The following ACP7 variants were observed in gnomAD, a reference collection of about 807,000 sequenced individuals.
ACP7 encodes acid phosphatase 7, tartrate resistant (putative).
ACP7 carries 58 observed loss-of-function variants against 60.6 expected under a neutral mutation model. That is an observed-to-expected ratio of 0.96 (90% confidence interval 0.77 to 1.19). The LOEUF (loss-of-function observed/expected upper bound fraction) is 1.19. Among genes scored for constraint, ACP7 ranks in the 50% most tolerant of loss-of-function variants. ACP7 has a pLI of 0.00. For missense variants in ACP7, 574 were observed against 596.2 expected (o/e 0.96, Z 0.39); for synonymous variants, 237 against 232.6 (o/e 1.02, Z -0.17).
At chr19:39,088,524 C>T (rs2073169088) in intron 2 of ACP7, among the ~76,000 whole-genome samples, 1 of 152,166 alleles carries the variant, frequency 6.6e-6, no homozygotes, top group African/African-American at 2.4e-5. Context: ...TTTCAGCCTA[C>T]ACAGTAACAA....
chr19:39,088,166 C>T (rs538113477), intron 2 of ACP7, among the ~76,000 whole-genome samples: 3 of 152,090 alleles, frequency 2.0e-5, no homozygotes, highest in East Asian at 3.9e-4. Flanking sequence ...GGACTACAGA[C>T]GTGCACTACC....
At chr19:39,105,216 C>T (rs1287064143) in intron 11 of ACP7, among the ~76,000 whole-genome samples, 2 of 151,568 alleles carry the variant, frequency 1.3e-5, no homozygotes, top group African/African-American at 2.4e-5. Flanking sequence ...GGGGTTTCAC[C>T]GTGTTGGCCA....
chr19:39,101,040 C>A lies in ACP7; in HGVS notation c.899C>A (p.Thr300Lys), dbSNP rs777460963. 6.2e-7 allele frequency: 1 copy of A among 1,613,908 alleles called. No homozygotes were observed. The highest frequency in any genetic ancestry group is 1.3e-5 in the African/African-American group (1 of 74,928). ...TCCAACGCAGATCTGGACGACTGCA[C>A]ACGACATGAAAGCAAGGTGAGGTCC... The part of the protein sequence containing the change: ...YCSNADLDDC[T>K]RHESKVRKGL... Residue 300 changes from threonine (T) to lysine (K), a missense_variant, in exon 8 of 13, where the codon ACA becomes AAA. Thr to Lys is a moderately conservative substitution (Grantham distance 78). Transcript: ENST00000331256.
intron 2 of ACP7, among the ~76,000 whole-genome samples, chr19:39,086,179 T>G (rs1392096423): frequency 6.6e-6 from 1 of 152,064 alleles, no homozygotes; most frequent in East Asian, 1.9e-4. Flanking sequence ...AGAAAAAATC[T>G]TAGACAGGTG....
At chr19:39,108,059 A>G (rs1251189681) in intron 12 of ACP7, among the ~76,000 whole-genome samples, 1 of 152,092 alleles carries the variant, frequency 6.6e-6, no homozygotes, top group Non-Finnish European at 1.5e-5. Context: ...TCAAAACAAA[A>G]AAACGAACAA....
chr19:39,093,172 C>CTTTCTTTCTTTCTTTCTTTCCTTCCT, intron 2 of ACP7, among the ~76,000 whole-genome samples: 1 of 80,868 alleles, frequency 1.2e-5, no homozygotes, highest in Non-Finnish European at 2.5e-5. Context: ...CTTTCTTTCT[C>CTTTCTTTCTTTCTTTCTTTCCTTCCT]TCCTTCCTTC....
At chr19:39,103,441 GTTTTTTTTTTTTTTTT>G (rs58293250) in intron 11 of ACP7, among the ~76,000 whole-genome samples, 1 of 64,690 alleles carries the variant, frequency 1.5e-5, no homozygotes, top group African/African-American at 6.7e-5. Flanking sequence ...ATCATCATGT[GTTTTTTTTTTTTTTTT>G]TTTTTTTTTG....
intron 11 of ACP7, among the ~76,000 whole-genome samples, chr19:39,104,289 T>C (rs780564836): frequency 7.9e-5 from 12 of 151,928 alleles, no homozygotes; most frequent in Middle Eastern, 3.2e-3. Flanking sequence ...GATAGAGACA[T>C]GTTACTGTAT....
chr19:39,086,845 T>A (rs1380744551), intron 2 of ACP7, among the ~76,000 whole-genome samples: 2 of 152,132 alleles, frequency 1.3e-5, no homozygotes, highest in Non-Finnish European at 2.9e-5. Flanking sequence ...AAATAAGGTA[T>A]TAAAACTGAG....
chr19:39,104,712 C>T lies in ACP7; in HGVS notation c.1114-2235C>T, dbSNP rs534010874. Among the ~76,000 whole-genome samples the T allele has an allele frequency of 9.9e-5, 15 of 152,128 alleles. No individual in the cohort carries two copies. In the South Asian group the frequency reaches 2.1e-3, roughly 21 times the overall value. On this transcript the variant is annotated intron_variant, in intron 11 of 12. Transcript: ENST00000331256. ...CAGCCTGCCCAACATGGCAAAACCC[C>T]GTCTCTACTTAAAACACAAAAAATT...
chr19:39,104,102 A>G (rs1044916587), intron 11 of ACP7, among the ~76,000 whole-genome samples: 5 of 151,046 alleles, frequency 3.3e-5, no homozygotes, highest in Non-Finnish European at 7.4e-5. Context: ...TATTATCATT[A>G]TATATATGTA....
At chr19:39,090,813 A>G (rs796655260) in intron 2 of ACP7, among the ~76,000 whole-genome samples, 12 of 107,510 alleles carry the variant, frequency 1.1e-4, no homozygotes, top group African/African-American at 3.1e-4. Context: ...TTTTTGGTCT[A>G]TTGTTCCTAT....
chr19:39,108,313 G>A (rs1270848459), intron 12 of ACP7, among the ~76,000 whole-genome samples: 3 of 151,704 alleles, frequency 2.0e-5, no homozygotes, highest in Non-Finnish European at 4.4e-5. Context: ...CTAATTTTTT[G>A]TATTTTTAGT....
chr19:39,098,948 T>A lies in ACP7; in HGVS notation c.323-12T>A, dbSNP rs946570877. 6.2e-7 allele frequency: 1 copy of A among 1,606,566 alleles called. No homozygotes were observed. The highest frequency in any genetic ancestry group is 1.7e-5 in the Admixed American group (1 of 59,654). ...GCCCCAGCTGACTGCGACCTTTTCC[T>A]CTCCCATTCAGTTTATCGCTGTGGC... On this transcript the variant is annotated splice_polypyrimidine_tract_variant and intron_variant, in intron 3 of 12. Coordinates refer to ENST00000331256, the MANE Select transcript of ACP7 (RefSeq NM_001004318.3).
intron 2 of ACP7, among the ~76,000 whole-genome samples, chr19:39,089,118 G>A (rs2318900): frequency 0.026 from 3,915 of 151,988 alleles, 168 homozygotes; most frequent in African/African-American, 0.09. Flanking sequence ...TAGTAGGGAC[G>A]GGGTTTCACC....
intron 2 of ACP7, among the ~76,000 whole-genome samples, chr19:39,093,146 T>TTCTTTCTTTCTTTC (rs1568476643): frequency 3.8e-4 from 20 of 52,384 alleles, no homozygotes; most frequent in East Asian, 1.0e-3. Flanking sequence ...CCTCACTCCT[T>TTCTTTCTTTCTTTC]TCTTTCTTTC....
At chr19:39,103,192 C>T (rs7247078) in intron 11 of ACP7, among the ~76,000 whole-genome samples, 79,674 of 151,916 alleles carry the variant, frequency 0.52, 21,917 homozygotes, top group East Asian at 0.64. Context: ...CCAAGATTTA[C>T]GAATTGAGAT....
chr19:39,085,613 C>T (rs113873909), intron 2 of ACP7, among the ~76,000 whole-genome samples: 2,716 of 152,298 alleles, frequency 0.018, 74 homozygotes, highest in African/African-American at 0.059. Context: ...CTCCCCTGCT[C>T]TCAAAAGGGG....
intron 2 of ACP7, among the ~76,000 whole-genome samples, chr19:39,092,215 A>T (rs990804276): frequency 5.9e-5 from 9 of 151,936 alleles, no homozygotes; most frequent in African/African-American, 2.2e-4. Context: ...TCTACTAAAA[A>T]TACAAAAAAT....
Sources: gnomAD v4.1 joint callset for allele counts (sites outside exome capture counted in the v4.1 genomes callset) on GRCh38, gnomAD v4.1.1 for gene constraint, MANE v1.5 for transcripts, NCBI Gene and HGNC (gene_info 2026-07-23, HGNC 2026-07-21) for gene names.